The following PIGN variants were observed in gnomAD, a reference collection of about 807,000 sequenced individuals.
PIGN encodes the protein phosphatidylinositol glycan anchor biosynthesis class N.
In PIGN, 117 loss-of-function variants were observed where a neutral mutation model predicts 125.4. The observed-to-expected ratio is 0.93, with a 90% CI of 0.80 to 1.09. PIGN has a LOEUF of 1.09. Ranked by LOEUF, PIGN falls within the 50% of genes least tolerant of loss-of-function variation. The pLI is 0.00. For missense variants in PIGN, 1,075 were observed against 1,094.9 expected, an observed-to-expected ratio of 0.98 and a Z score of 0.26; for synonymous variants, 392 against 377.8, an observed-to-expected ratio of 1.04 and a Z score of -0.44.
At chr18:62,145,008 CGGGGG>C (rs33928407) in intron 10 of PIGN, among the ~76,000 whole-genome samples, 101,845 of 142,392 alleles carry the variant, frequency 0.72, 36,068 homozygotes, top group East Asian at 0.9. Flanking sequence ...AGGAAACTGG[CGGGGG>C]GGGGGGGGCA....
intron 23 of PIGN, among the ~76,000 whole-genome samples, chr18:62,033,728 T>G (rs1359577222): frequency 6.6e-6 from 1 of 152,238 alleles, no homozygotes; most frequent in Non-Finnish European, 1.5e-5. Context: ...GTATTGCTCG[T>G]AAGGCAAATA....
At chr18:62,046,888 G>A (rs751271861) in intron 30 of PIGN, among the ~76,000 whole-genome samples, 63 of 152,146 alleles carry the variant, frequency 4.1e-4, no homozygotes, top group Admixed American at 5.9e-4. Context: ...AACGTAAGAC[G>A]ACTCCAGGTG....
At chr18:62,138,898 A>G (rs2036032094) in intron 13 of PIGN, 85 bp downstream of exon 13, 4 of 699,934 alleles carry the variant, frequency 5.7e-6, no homozygotes, top group Non-Finnish European at 9.4e-6. Flanking sequence ...TAAAAACAAA[A>G]TCAAATATTT....
intron 14 of PIGN, among the ~76,000 whole-genome samples, chr18:62,126,130 C>A (rs1305118682): frequency 6.6e-6 from 1 of 152,034 alleles, no homozygotes; most frequent in African/African-American, 2.4e-5. Context: ...CATGCAATTT[C>A]TATTTTTATT....
intron 14 of PIGN, among the ~76,000 whole-genome samples, chr18:62,115,618 C>G (rs2146635283): frequency 8.2e-6 from 1 of 121,334 alleles, no homozygotes; most frequent in South Asian, 2.7e-4. Flanking sequence ...AGAGATAGGA[C>G]TGAGACTTGT....
At chr18:62,083,297 A>G (rs927299197) in intron 27 of PIGN, among the ~76,000 whole-genome samples, 35 of 152,178 alleles carry the variant, frequency 2.3e-4, no homozygotes, top group Non-Finnish European at 4.6e-4. Context: ...ATAAAGCTAT[A>G]GTAAAATTTA....
At chr18:62,085,651 C>T (rs1026098201) in intron 25 of PIGN, among the ~76,000 whole-genome samples, 3 of 152,080 alleles carry the variant, frequency 2.0e-5, no homozygotes, top group Admixed American at 6.6e-5. Context: ...ATATGCTTGC[C>T]GTAAACCCAC....
chr18:62,056,764 G>A (rs1285588800), intron 30 of PIGN: 1 of 152,266 alleles, frequency 6.6e-6, no homozygotes, highest in Non-Finnish European at 1.5e-5. Context: ...AGCAGGAGGT[G>A]AGCGGCGGGG....
intron 14 of PIGN, among the ~76,000 whole-genome samples, chr18:62,132,547 A>C (rs2035776361): frequency 6.6e-6 from 1 of 152,180 alleles, no homozygotes; most frequent in Non-Finnish European, 1.5e-5. Flanking sequence ...TATAATTAAT[A>C]AATTCTGATT....
chr18:62,100,193 T>C (rs2034380865), intron 22 of PIGN, among the ~76,000 whole-genome samples: 1 of 152,136 alleles, frequency 6.6e-6, no homozygotes, highest in East Asian at 1.9e-4. Flanking sequence ...GACATTCAAA[T>C]GGCCAACAGG....
rs562111652 is a variant in PIGN, at chr18:62,021,935, G to C, written c.2143-4194C>G. On this transcript the variant is annotated intron_variant, in intron 23 of 24. Coordinates refer to the PIGN transcript ENST00000639600. ...ATTTAGTTCCTGTGGCTACAGGATT[G>C]AGTCCCACTTTCTTGCTGGCTATTA... 1.3e-3 allele frequency among the ~76,000 whole-genome samples: 198 copies of C among 152,308 alleles called. 1 individual carries two copies. The highest frequency in any genetic ancestry group is 2.3e-3 in the Non-Finnish European group (157 of 68,030).
intron 30 of PIGN, among the ~76,000 whole-genome samples, chr18:62,060,240 T>C (rs139087846): frequency 1.9e-4 from 29 of 152,370 alleles, no homozygotes; most frequent in Middle Eastern, 3.4e-3. Context: ...AGTTCAGCTG[T>C]TCGCACTCCC....
At chr18:62,096,869 T>C (rs1189472648) in intron 22 of PIGN, among the ~76,000 whole-genome samples, 1 of 148,350 alleles carries the variant, frequency 6.7e-6, no homozygotes, top group Non-Finnish European at 1.5e-5. Flanking sequence ...ACTCATCATA[T>C]TTTATGGCTG....
Position 62,154,746 on chromosome 18 carries a change from C to G in PIGN, c.443-95G>C, listed in dbSNP as rs1243715193. On this transcript the variant is annotated intron_variant, in intron 6 of 30. Coordinates refer to ENST00000640252, the MANE Select transcript of PIGN (RefSeq NM_176787.5). ...TCATTCACAGATTTTTGTGAGTAAC[C>G]AGAATTTTCACAAAGCATTGTTCAT... The G allele has an allele frequency of 2.9e-5, 20 of 682,376 alleles. No individual in the cohort carries two copies. In the East Asian group the frequency reaches 5.2e-4, roughly 18 times the overall value. 42.3% of individuals were successfully genotyped at this position (682,376 alleles called of 1,614,324 possible).
chr18:62,026,897 G>A (rs2030127110), intron 23 of PIGN, among the ~76,000 whole-genome samples: 1 of 152,188 alleles, frequency 6.6e-6, no homozygotes, highest in African/African-American at 2.4e-5. Flanking sequence ...TGAGGGACAA[G>A]CTTTTAAAGG....
downstream of PIGN, among the ~76,000 whole-genome samples, chr18:62,036,187 A>C (rs9951671): frequency 0.34 from 52,278 of 151,928 alleles, 9,985 homozygotes; most frequent in East Asian, 0.7. Context: ...ATTGGCATGC[A>C]TCATTGCAAG....
intron 14 of PIGN, among the ~76,000 whole-genome samples, chr18:62,121,542 C>A (rs931271173): frequency 2.0e-5 from 3 of 152,038 alleles, no homozygotes; most frequent in Non-Finnish European, 2.9e-5. Flanking sequence ...GCAGGGAATT[C>A]TATTTATCTG....
intron 14 of PIGN, chr18:62,137,208 C>T: frequency 2.5e-6 from 1 of 400,344 alleles, no homozygotes. Flanking sequence ...TGCACTTGAA[C>T]ATCAGACTCC....
chr18:62,171,319 T>C (rs959768185), intron 1 of PIGN, among the ~76,000 whole-genome samples: 1 of 152,238 alleles, frequency 6.6e-6, no homozygotes, highest in African/African-American at 2.4e-5. Context: ...TTGATCTTTA[T>C]ATATTGACCC....
Sources: gnomAD v4.1 joint callset for allele counts (sites outside exome capture counted in the v4.1 genomes callset) on GRCh38, gnomAD v4.1.1 for gene constraint, MANE v1.5 for transcripts, NCBI Gene and HGNC (gene_info 2026-07-23, HGNC 2026-07-21) for gene names.